RANBP2: variants seen among roughly 807,000 people sequenced by gnomAD.
The protein encoded by RANBP2 is RAN binding protein 2.
Under a neutral mutation model 303.6 loss-of-function variants are expected in RANBP2, and 57 were observed. The ratio of observed to expected loss-of-function variants is 0.19; its 90% CI spans 0.15 to 0.23. The LOEUF is 0.23. RANBP2 is among the 10% of genes least tolerant of loss of function. The pLI is 1.00. For synonymous variants in RANBP2, 1,167 were observed against 1,301.5 expected, an observed-to-expected ratio of 0.90 and a Z score of 2.23; for missense variants, 3,138 against 3,780.8, an observed-to-expected ratio of 0.83 and a Z score of 4.46.
At chr2:109,719,997 C>G in the RANBP2 span, among the ~76,000 whole-genome samples, 1 of 152,056 alleles carries the variant, frequency 6.6e-6, no homozygotes, top group Non-Finnish European at 1.5e-5. Context: ...GCTGTTCTAC[C>G]GAGGACTCGT....
At chr2:109,586,152 C>T in the RANBP2 span, among the ~76,000 whole-genome samples, 1 of 152,090 alleles carries the variant, frequency 6.6e-6, no homozygotes, top group South Asian at 2.1e-4. Flanking sequence ...AAGTTAAAGT[C>T]CATTTGTTTA....
At chr2:109,405,288 A>G in the RANBP2 span, among the ~76,000 whole-genome samples, 20 of 152,234 alleles carry the variant, frequency 1.3e-4, no homozygotes, top group African/African-American at 4.3e-4. Flanking sequence ...CTGTTCCTCA[A>G]GGAGTCACCA....
chr2:109,661,459 G>A, the RANBP2 span, among the ~76,000 whole-genome samples: 1 of 152,146 alleles, frequency 6.6e-6, no homozygotes, highest in Non-Finnish European at 1.5e-5. Context: ...TGTTGGCCAG[G>A]CTGCTCTCGA....
the RANBP2 span, among the ~76,000 whole-genome samples, chr2:109,255,750 T>G: frequency 3.3e-5 from 5 of 152,236 alleles, no homozygotes; most frequent in Admixed American, 3.3e-4. Flanking sequence ...AGGGCCAGAA[T>G]CTCTGCTGAA....
At chr2:109,684,826 G>A in the RANBP2 span, among the ~76,000 whole-genome samples, 1 of 149,272 alleles carries the variant, frequency 6.7e-6, no homozygotes, top group Non-Finnish European at 1.5e-5. Context: ...GAGCCACTGT[G>A]CCCAGCTGGC....
chr2:109,407,287 G>A, the RANBP2 span, among the ~76,000 whole-genome samples: 5 of 152,200 alleles, frequency 3.3e-5, no homozygotes, highest in African/African-American at 1.2e-4. Flanking sequence ...CAATGGAAGG[G>A]GAAGTGTTTG....
the RANBP2 span, among the ~76,000 whole-genome samples, chr2:109,664,719 C>G: frequency 6.6e-6 from 1 of 152,130 alleles, no homozygotes; most frequent in Non-Finnish European, 1.5e-5. Context: ...CACCTTAGGT[C>G]AGGAGTTCAA....
rs1485796030 is a variant in RANBP2, at chr2:108,767,783, A to C, written c.7244A>C (p.Lys2415Thr). 6.2e-7 allele frequency: 1 copy of C among 1,611,748 alleles called. No homozygotes were observed. Among genetic ancestry groups the C allele is most frequent in the Non-Finnish European group, 8.5e-7 (1 of 1,179,870 alleles). ...TGTGATTTTGCAGATGGAGAAAGAA[A>C]AGTAGAGCATTTAGCTGTTCGTTTT... The part of the protein sequence containing the change: ...TACDFADGER[K>T]VEHLAVRFKL... The change falls in exon 20 of 29, where the codon AAA (lysine) becomes ACA (threonine). Residue 2415 changes from lysine (K) to threonine (T), a missense_variant. By Grantham distance (78) the Lys-to-Thr change is moderately conservative (BLOSUM62 -1). Around this residue, in one of 20 missense-constraint regions of RANBP2, gnomAD observed 92 missense variants for 211.0 expected, o/e 0.44. Coordinates refer to ENST00000283195, the MANE Select transcript of RANBP2 (RefSeq NM_006267.5).
At chr2:108,855,289 C>G in the RANBP2 span, among the ~76,000 whole-genome samples, 9 of 151,984 alleles carry the variant, frequency 5.9e-5, no homozygotes, top group Admixed American at 2.6e-4. Flanking sequence ...TTAAAGTTTG[C>G]AAACTTAAAA....
the RANBP2 span, among the ~76,000 whole-genome samples, chr2:109,017,138 G>A: frequency 6.6e-6 from 1 of 152,242 alleles, no homozygotes; most frequent in Non-Finnish European, 1.5e-5. Context: ...GCAGCACAGA[G>A]AGGGCTCTCT....
At chr2:109,132,507 G>C in the RANBP2 span, among the ~76,000 whole-genome samples, 1 of 152,180 alleles carries the variant, frequency 6.6e-6, no homozygotes, top group African/African-American at 2.4e-5. Flanking sequence ...TGAGCCATTT[G>C]AGATAAAGCG....
the RANBP2 span, among the ~76,000 whole-genome samples, chr2:109,480,439 AAGAG>A: frequency 6.5e-4 from 99 of 152,280 alleles, no homozygotes; most frequent in African/African-American, 2.3e-3. Flanking sequence ...GGCTGAGAAA[AAGAG>A]AGTAATAAGG....
chr2:108,901,966 A>C, the RANBP2 span, among the ~76,000 whole-genome samples: 1 of 152,026 alleles, frequency 6.6e-6, no homozygotes, highest in African/African-American at 2.4e-5. Context: ...AGGGCTGGGC[A>C]TGGTGGCTCA....
At chr2:109,256,395 G>A in the RANBP2 span, among the ~76,000 whole-genome samples, 1 of 152,190 alleles carries the variant, frequency 6.6e-6, no homozygotes, top group Admixed American at 6.5e-5. Flanking sequence ...GCGGCAATGC[G>A]ATGTCCTCCC....
chr2:109,544,857 A>G, the RANBP2 span: 4 of 808,346 alleles, frequency 4.9e-6, no homozygotes, highest in South Asian at 1.1e-4. Flanking sequence ...ATCAATGAAC[A>G]AGATAAAGAT....
chr2:108,798,417 T>G, the RANBP2 span: 1 of 1,602,658 alleles, frequency 6.2e-7, no homozygotes, highest in Non-Finnish European at 8.5e-7. Context: ...AAGTCTGGCA[T>G]TTTGATACAG....
the RANBP2 span, among the ~76,000 whole-genome samples, chr2:109,180,981 G>A: frequency 6.6e-6 from 1 of 152,202 alleles, no homozygotes; most frequent in African/African-American, 2.4e-5. Context: ...AGCTTCCTCA[G>A]ATTGATAACA....
chr2:108,941,797 G>C, the RANBP2 span, among the ~76,000 whole-genome samples: 2 of 152,242 alleles, frequency 1.3e-5, no homozygotes, highest in Non-Finnish European at 2.9e-5. Context: ...CAGCCCATGT[G>C]TGAGGCCCTC....
chr2:109,384,842 G>A, the RANBP2 span, among the ~76,000 whole-genome samples: 4 of 152,210 alleles, frequency 2.6e-5, no homozygotes, highest in Non-Finnish European at 4.4e-5. Context: ...ACTCCAACCC[G>A]ATGGTTCCCA....
Sources: gnomAD v4.1 joint callset for allele counts (sites outside exome capture counted in the v4.1 genomes callset) on GRCh38, gnomAD v4.1.1 for gene constraint, gnomAD v4.1.1 regional missense constraint, MANE v1.5 for transcripts, NCBI Gene and HGNC (gene_info 2026-07-23, HGNC 2026-07-21) for gene names.